The following ZNF568 variants were observed in gnomAD, a reference collection of about 807,000 sequenced individuals.
ZNF568 encodes zinc finger protein 568.
ZNF568 carries 11 observed loss-of-function variants against 18.1 expected under a neutral mutation model. The observed-to-expected ratio is 0.61, with a 90% confidence interval of 0.38 to 1.00. The LOEUF (loss-of-function observed/expected upper bound fraction) is 1.00. Ranked by LOEUF, ZNF568 falls within the 50% of genes least tolerant of loss-of-function variation. The pLI, the probability that ZNF568 is intolerant of heterozygous loss-of-function variation, is 0.01. For missense variants in ZNF568, 639 were observed against 768.2 expected, an observed-to-expected ratio of 0.83 and a Z score of 1.99; for synonymous variants, 213 against 246.6, an observed-to-expected ratio of 0.86 and a Z score of 1.28.
At chr19:36,935,122 T>C (rs1259807115) in intron 4 of ZNF568, among the ~76,000 whole-genome samples, 1 of 152,168 alleles carries the variant, frequency 6.6e-6, no homozygotes, top group African/African-American at 2.4e-5. Flanking sequence ...ATATTTTCTA[T>C]CTTGGAGAGT....
At position 36,952,468 on chromosome 19, in the gene ZNF568, T is replaced by C. The variant is rs1221886062; in HGVS notation, c.*1380T>C. On this transcript the variant is annotated 3_prime_UTR_variant, in exon 7 of 7. Transcript: ENST00000333987. ...CAATGTTGAATGAAAAAAATCAAAA[T>C]ACAAATGAAACATTGTGTAATAATA... The C allele has an allele frequency of 1.3e-5, 2 of 152,158 alleles. No individual in the cohort carries two copies. The highest frequency in any genetic ancestry group is 4.8e-5 in the African/African-American group (2 of 41,408). 9.4% of individuals were successfully genotyped at this position (152,158 alleles called of 1,614,324 possible).
chr19:36,997,514 A>G (rs2074488902), downstream of ZNF568: 1 of 1,588,126 alleles, frequency 6.3e-7, no homozygotes, highest in Non-Finnish European at 8.5e-7. Context: ...GAACTCACAC[A>G]TCATGAGAGA....
At chr19:36,945,737 ATGTGTGTG>A (rs35542484) in intron 6 of ZNF568, among the ~76,000 whole-genome samples, 11 of 149,068 alleles carry the variant, frequency 7.4e-5, no homozygotes, top group South Asian at 2.2e-4. Context: ...GTGTGATTAT[ATGTGTGTG>A]TGTGTGTGTG....
downstream of ZNF568, among the ~76,000 whole-genome samples, chr19:36,983,436 G>T (rs544601276): frequency 2.0e-5 from 3 of 152,158 alleles, no homozygotes; most frequent in Non-Finnish European, 4.4e-5. Flanking sequence ...TAAGGCAGTC[G>T]TGTTAATGTG....
At chr19:36,935,270 G>GT in intron 4 of ZNF568, among the ~76,000 whole-genome samples, 1 of 152,100 alleles carries the variant, frequency 6.6e-6, no homozygotes, top group East Asian at 1.9e-4. Context: ...ATTATTAAAA[G>GT]TGGTGTTTGG....
exon 5 of ZNF568, chr19:36,996,944 C>T (rs377729370): frequency 2.6e-6 from 4 of 1,537,856 alleles, no homozygotes; most frequent in East Asian, 2.4e-5. Context: ...AGGATCCATA[C>T]TGATGAGAAA....
chr19:36,961,196 T>C (rs996140111), intron 6 of ZNF568, among the ~76,000 whole-genome samples: 3 of 152,126 alleles, frequency 2.0e-5, no homozygotes, highest in Non-Finnish European at 4.4e-5. Flanking sequence ...GGTACTTCAG[T>C]GTTGGCTGCA....
At chr19:36,979,183 A>C (rs2074310927) in exon 8 of ZNF568, 1 of 199,326 alleles carries the variant, frequency 5.0e-6, no homozygotes, top group Admixed American at 6.0e-5. Flanking sequence ...GGGTTTCTCC[A>C]TGTTGGTCAG....
At chr19:36,945,182 A>C (rs1388168172) in intron 6 of ZNF568, among the ~76,000 whole-genome samples, 3 of 150,444 alleles carry the variant, frequency 2.0e-5, no homozygotes, top group Admixed American at 6.7e-5. Flanking sequence ...TTTATGTGCA[A>C]ATGGATGGGA....
At chr19:36,925,777 A>G (rs889455336) in intron 4 of ZNF568, among the ~76,000 whole-genome samples, 2 of 152,218 alleles carry the variant, frequency 1.3e-5, no homozygotes, top group Non-Finnish European at 2.9e-5. Flanking sequence ...TTACATAGAA[A>G]TCACATTATA....
intron 6 of ZNF568, among the ~76,000 whole-genome samples, chr19:36,946,992 G>A (rs1273787671): frequency 6.7e-6 from 1 of 148,976 alleles, no homozygotes; most frequent in Admixed American, 6.8e-5. Flanking sequence ...GGTTGGATCA[G>A]AACCTAGAAG....
intron 6 of ZNF568, among the ~76,000 whole-genome samples, chr19:36,944,174 G>GA (rs1461266235): frequency 6.6e-6 from 1 of 151,924 alleles, no homozygotes; most frequent in Non-Finnish European, 1.5e-5. Flanking sequence ...TGAAGCAGGC[G>GA]AATCACCTGA....
intron 4 of ZNF568, among the ~76,000 whole-genome samples, chr19:36,933,916 G>T (rs12104192): frequency 0.074 from 1,458 of 19,740 alleles, 54 homozygotes; most frequent in Middle Eastern, 0.2. Context: ...TTTTTGTTTT[G>T]TTTTTTTGTT....
intron 3 of ZNF568, among the ~76,000 whole-genome samples, chr19:36,924,333 C>T (rs1206146249): frequency 6.6e-6 from 1 of 151,694 alleles, no homozygotes; most frequent in African/African-American, 2.4e-5. Flanking sequence ...ATTCTCCTGC[C>T]TCAGCCTCCC....
intron 2 of ZNF568, among the ~76,000 whole-genome samples, chr19:36,989,285 C>T (rs188029639): frequency 1.4e-4 from 22 of 152,112 alleles, no homozygotes; most frequent in Admixed American, 1.4e-3. Context: ...CAGGTTCAAG[C>T]GATCCTCCTG....
At chr19:36,975,681 C>CTTTTTTTTTTTTTTTT (rs1193440344) in intron 7 of ZNF568, among the ~76,000 whole-genome samples, 13 of 75,776 alleles carry the variant, frequency 1.7e-4, no homozygotes, top group East Asian at 1.0e-3. Flanking sequence ...CGCGCCAAGA[C>CTTTTTTTTTTTTTTTT]TTTTTTTTTT....
chr19:36,991,733 C>A (rs774569619), intron 3 of ZNF568: 5 of 1,543,842 alleles, frequency 3.2e-6, no homozygotes, highest in Non-Finnish European at 4.3e-6. Flanking sequence ...AAACCTTGTT[C>A]CCTTTGTTTT....
intron 4 of ZNF568, among the ~76,000 whole-genome samples, chr19:36,995,831 C>T (rs2074465657): frequency 6.6e-6 from 1 of 152,074 alleles, no homozygotes; most frequent in Non-Finnish European, 1.5e-5. Flanking sequence ...TACTTCTGTT[C>T]CCACCTCTCT....
chr19:36,967,923 G>A (rs1041139948), intron 6 of ZNF568, among the ~76,000 whole-genome samples: 5 of 152,124 alleles, frequency 3.3e-5, no homozygotes, highest in African/African-American at 1.2e-4. Flanking sequence ...TAGAACACTG[G>A]GCATGAAGGA....
Sources: gnomAD v4.1 joint callset for allele counts (sites outside exome capture counted in the v4.1 genomes callset) on GRCh38, gnomAD v4.1.1 for gene constraint, MANE v1.5 for transcripts, NCBI Gene and HGNC (gene_info 2026-07-23, HGNC 2026-07-21) for gene names.